CDH13: variants seen among roughly 807,000 people sequenced by gnomAD.
CDH13 encodes cadherin-13.
In CDH13, 24 loss-of-function variants were observed where a neutral mutation model predicts 63.8. The observed-to-expected ratio is 0.38, with a 90% CI of 0.27 to 0.53. The LOEUF is 0.53. Among genes scored for constraint, CDH13 ranks in the 20% least tolerant of loss-of-function variants. The pLI is 0.85. For synonymous variants in CDH13, 503 were observed against 355.3 expected (o/e 1.42, Z -4.67); for missense variants, 1,049 against 903.1 (o/e 1.16, Z -2.07).
At chr16:83,378,656 T>A (rs1387467016) in intron 6 of CDH13, among the ~76,000 whole-genome samples, 6 of 152,144 alleles carry the variant, frequency 3.9e-5, no homozygotes, top group Non-Finnish European at 8.8e-5. Flanking sequence ...TTATCATATT[T>A]GCATGACCTT....
At position 83,798,719 on chromosome 16, in the gene CDH13, G is replaced by A. The variant is rs1418527563; in HGVS notation, c.*3689G>A. The A allele has an allele frequency of 6.6e-6, 1 of 152,138 alleles. No individual in the cohort carries two copies. Among genetic ancestry groups the A allele is most frequent in the Non-Finnish European group, 1.5e-5 (1 of 68,042 alleles). 9.4% of individuals were successfully genotyped at this position (152,138 alleles called of 1,614,324 possible). A position where few individuals can be genotyped will look rare whatever the true frequency, so the allele number is the denominator to read the frequency against. On this transcript the variant is annotated 3_prime_UTR_variant, in exon 14 of 14. Coordinates refer to ENST00000567109, the MANE Select transcript of CDH13 (RefSeq NM_001257.5). ...ACCCTCGTTTGAAGCCTCCATTAGC[G>A]TGACTATGCAGCTAGACCAACTTAC...
intron 4 of CDH13, among the ~76,000 whole-genome samples, chr16:83,194,438 G>A (rs1218651521): frequency 2.0e-5 from 3 of 152,192 alleles, no homozygotes; most frequent in African/African-American, 7.2e-5. Flanking sequence ...AGAAAAAGGA[G>A]AAAACCCGAT....
intron 4 of CDH13, among the ~76,000 whole-genome samples, chr16:83,132,847 ATTC>A (rs2036119921): frequency 6.6e-6 from 1 of 152,226 alleles, no homozygotes; most frequent in Non-Finnish European, 1.5e-5. Context: ...GTGCTCAAAA[ATTC>A]TTCTTGAGAT....
intron 1 of CDH13, among the ~76,000 whole-genome samples, chr16:82,701,707 C>T (rs551581234): frequency 2.0e-5 from 3 of 152,258 alleles, no homozygotes; most frequent in East Asian, 3.9e-4. Flanking sequence ...TCAGCATTTC[C>T]AGTGGAGAGA....
chr16:83,464,459 C>T (rs113638613), intron 6 of CDH13, among the ~76,000 whole-genome samples: 16,374 of 152,288 alleles, frequency 0.11, 1,168 homozygotes, highest in South Asian at 0.21. Flanking sequence ...TTGCAGTGAG[C>T]CAAGATCGTG....
At chr16:83,429,851 C>T (rs2151481492) in intron 6 of CDH13, among the ~76,000 whole-genome samples, 1 of 152,320 alleles carries the variant, frequency 6.6e-6, no homozygotes, top group East Asian at 1.9e-4. Context: ...ATTGTGTACA[C>T]AAGCTATCTG....
intron 1 of CDH13, among the ~76,000 whole-genome samples, chr16:82,857,914 T>A (rs950420089): frequency 6.6e-6 from 1 of 152,198 alleles, no homozygotes; most frequent in East Asian, 1.9e-4. Context: ...AGTGAAGGCT[T>A]AACAGGTCCT....
intron 5 of CDH13, among the ~76,000 whole-genome samples, chr16:83,334,300 T>C (rs550224081): frequency 1.3e-5 from 2 of 150,618 alleles, no homozygotes; most frequent in East Asian, 3.9e-4. Flanking sequence ...TCTCTCCCTC[T>C]CTCTCCCCCC....
At chr16:82,634,278 C>A (rs1405819510) in intron 1 of CDH13, among the ~76,000 whole-genome samples, 1 of 152,268 alleles carries the variant, frequency 6.6e-6, no homozygotes, top group Non-Finnish European at 1.5e-5. Flanking sequence ...GCCAATGTCT[C>A]TTTCCCTCAA....
chr16:82,918,037 C>G (rs1429372152), intron 2 of CDH13, among the ~76,000 whole-genome samples: 1 of 151,844 alleles, frequency 6.6e-6, no homozygotes, highest in African/African-American at 2.4e-5. Flanking sequence ...TTAAATAAGC[C>G]AAAGATCACA....
chr16:83,031,645 A>G (rs569452395), intron 2 of CDH13, among the ~76,000 whole-genome samples: 7 of 151,798 alleles, frequency 4.6e-5, no homozygotes, highest in Non-Finnish European at 1.0e-4. Context: ...GCTCTCCTCA[A>G]TGGTCCTGAG....
chr16:83,494,411 C>T (rs977037579), intron 7 of CDH13, among the ~76,000 whole-genome samples: 1 of 152,156 alleles, frequency 6.6e-6, no homozygotes, highest in Admixed American at 6.5e-5. Flanking sequence ...TTGTTCTAAA[C>T]CCCAAATCCT....
intron 7 of CDH13, among the ~76,000 whole-genome samples, chr16:83,558,966 G>A (rs2075651790): frequency 6.6e-6 from 1 of 152,108 alleles, no homozygotes; most frequent in African/African-American, 2.4e-5. Context: ...CACCATGGAG[G>A]ACCACAGGCT....
intron 8 of CDH13, 51 bp from the exon 9 acceptor site, chr16:83,670,739 A>G (rs530408093): frequency 1.5e-4 from 227 of 1,529,536 alleles, no homozygotes; most frequent in Middle Eastern, 3.4e-4. Flanking sequence ...CATGTAGTAA[A>G]TGACTATGTG....
intron 2 of CDH13, among the ~76,000 whole-genome samples, chr16:82,982,855 C>T (rs753492050): frequency 6.6e-6 from 1 of 152,156 alleles, no homozygotes; most frequent in Non-Finnish European, 1.5e-5. Flanking sequence ...GTCTTTCTGT[C>T]AACTTTCAGT....
chr16:83,141,037 C>T (rs1597404372), intron 4 of CDH13, among the ~76,000 whole-genome samples: 1 of 152,234 alleles, frequency 6.6e-6, no homozygotes, highest in African/African-American at 2.4e-5. Flanking sequence ...GAAGTATCCA[C>T]TATTTCCCTT....
chr16:83,095,379 C>T (rs986343766), intron 3 of CDH13, among the ~76,000 whole-genome samples: 9 of 152,138 alleles, frequency 5.9e-5, no homozygotes, highest in Admixed American at 3.9e-4. Context: ...TTACTAAATG[C>T]CATATGGTTT....
chr16:82,799,052 A>G (rs780167217), intron 1 of CDH13, among the ~76,000 whole-genome samples: 2 of 152,138 alleles, frequency 1.3e-5, no homozygotes, highest in Non-Finnish European at 2.9e-5. Flanking sequence ...ACCTCTTAGG[A>G]CTATTCAAAC....
At chr16:83,392,506 G>C (rs1448512751) in intron 6 of CDH13, among the ~76,000 whole-genome samples, 3 of 152,158 alleles carry the variant, frequency 2.0e-5, no homozygotes, top group African/African-American at 4.8e-5. Flanking sequence ...TGACTCCCCT[G>C]ATAGAGTTCC....
Sources: allele counts gnomAD v4.1 joint callset (sites outside exome capture counted in the v4.1 genomes callset), GRCh38; gene constraint gnomAD v4.1.1; transcripts MANE v1.5; gene names NCBI Gene and HGNC (gene_info 2026-07-23, HGNC 2026-07-21).